Variants in NSD1 observed in about 807,000 individuals in gnomAD.
The protein encoded by NSD1 is nuclear receptor binding SET domain protein 1, also known as histone-lysine N-methyltransferase, H3 lysine-36 specific.
A neutral mutation model predicts 242.7 loss-of-function variants in NSD1; 26 were observed. The ratio of observed to expected loss-of-function variants is 0.11; its 90% CI spans 0.08 to 0.15. The LOEUF is 0.15. Among genes scored for constraint, NSD1 ranks in the 10% least tolerant of loss-of-function variants. NSD1 has a pLI of 1.00. For missense variants in NSD1, 2,495 were observed against 3,272.8 expected (o/e 0.76, Z 5.80); for synonymous variants, 1,106 against 1,178.1 (o/e 0.94, Z 1.25).
chr5:177,228,871 T>G (rs1235787268), intron 5 of NSD1, among the ~76,000 whole-genome samples: 2 of 152,222 alleles, frequency 1.3e-5, no homozygotes, highest in Non-Finnish European at 2.9e-5. Context: ...CAACCATCTC[T>G]GTAAATCCAT....
chr5:177,280,073 G>A (rs1042672460), intron 17 of NSD1, among the ~76,000 whole-genome samples: 5 of 140,458 alleles, frequency 3.6e-5, no homozygotes, highest in East Asian at 4.3e-4. Context: ...GCAGTGGCAC[G>A]ACCTAGGCTC....
intron 2 of NSD1, among the ~76,000 whole-genome samples, chr5:177,150,544 G>A (rs1393660989): frequency 6.6e-6 from 1 of 151,980 alleles, no homozygotes; most frequent in East Asian, 1.9e-4. Context: ...AGTGTTTTTT[G>A]CTGTTATTAT....
chr5:177,276,093 C>T (rs1477044344), intron 17 of NSD1, among the ~76,000 whole-genome samples: 1 of 151,976 alleles, frequency 6.6e-6, no homozygotes, highest in Non-Finnish European at 1.5e-5. Context: ...CAACGCCTGG[C>T]TAATTTTGGT....
At chr5:177,268,082 G>GT (rs1562279085) in intron 15 of NSD1, among the ~76,000 whole-genome samples, 2 of 150,910 alleles carry the variant, frequency 1.3e-5, no homozygotes, top group African/African-American at 4.9e-5. Context: ...CAAAATAACT[G>GT]TTTTTACAGA....
intron 5 of NSD1, among the ~76,000 whole-genome samples, chr5:177,220,655 C>T (rs1342594637): frequency 1.3e-5 from 2 of 149,600 alleles, no homozygotes; most frequent in South Asian, 2.1e-4. Flanking sequence ...CTGCAAACTC[C>T]GCCTCCCGGG....
rs1267757448 is a variant in NSD1 at position 177,158,936 on chromosome 5, G to GTA, written c.927+22907_927+22908insAT. 3.8e-5 allele frequency among the ~76,000 whole-genome samples: 5 copies of GTA among 131,486 alleles called. No individual in the cohort carries two copies. The South Asian group carries it at 1.2e-3, about 31-fold the overall frequency. 86.3% of individuals were successfully genotyped at this position (131,486 alleles called of 152,430 possible). ...TTATATATAGTTTGTGTGTGTGTGT[G>GTA]TGTATATATACACACATATATATAT... is the stretch of plus-strand genomic sequence containing the variant. On this transcript the variant is annotated intron_variant, in intron 2 of 22. Transcript: ENST00000439151.
At chr5:177,213,163 C>T (rs1322391756) in intron 5 of NSD1, among the ~76,000 whole-genome samples, 1 of 152,204 alleles carries the variant, frequency 6.6e-6, no homozygotes, top group Non-Finnish European at 1.5e-5. Flanking sequence ...AAGATACTAA[C>T]ATTACACAGT....
intron 11 of NSD1, 25 bp from the exon 12 acceptor site, chr5:177,251,705 A>G (rs1755984632): frequency 6.2e-7 from 1 of 1,613,164 alleles, no homozygotes; most frequent in East Asian, 2.2e-5. Flanking sequence ...GGAAAAACAG[A>G]TAGATGTTTT....
Position 177,288,879 on chromosome 5 carries a change from A to T in NSD1, c.6212A>T (p.Lys2071Ile). 6.2e-7 allele frequency: 1 copy of T among 1,614,218 alleles called. No homozygotes were observed. Among genetic ancestry groups the T allele is most frequent in the Non-Finnish European group, 8.5e-7 (1 of 1,180,032 alleles). The change falls in exon 21 of 23, where the codon AAA (lysine) becomes ATA (isoleucine). Residue 2071 changes from lysine (K) to isoleucine (I), a missense_variant. Transcript: ENST00000439151. ...ECLGNGKTVC[K>I]CGAPNCSGFL... ...CTTGGGAATGGAAAGACTGTTTGCAAATGTGGAGCCCCGAACTGCAGTGGC... is the reference window on the plus strand; with the variant it reads ...CTTGGGAATGGAAAGACTGTTTGCATATGTGGAGCCCCGAACTGCAGTGGC...
upstream of NSD1, chr5:177,133,237 G>C (rs1347222523): frequency 1.3e-5 from 2 of 152,784 alleles, no homozygotes; most frequent in African/African-American, 2.4e-5. The surrounding 1 kb of genome is among the most constrained non-coding windows in gnomAD (Gnocchi z 6.2). Context: ...TGGATGGGGA[G>C]CCTGGGCTGT....
chr5:177,266,572 A>T, intron 14 of NSD1: 1 of 682,164 alleles, frequency 1.5e-6, no homozygotes, highest in Non-Finnish European at 2.2e-6. Flanking sequence ...GCAGTTCACG[A>T]CCTCGGCGGC....
chr5:177,186,121 T>G (rs1185849958), intron 2 of NSD1, among the ~76,000 whole-genome samples: 1 of 123,744 alleles, frequency 8.1e-6, no homozygotes, highest in African/African-American at 3.0e-5. Flanking sequence ...TGTATATTTA[T>G]ATATAATATA....
rs567657600 is a variant in NSD1, at chr5:177,264,736, G to A, written c.5147-2826G>A. The stretch of plus-strand genomic sequence containing the variant: ...TTATTAAGTAAAGGCCCTTTTGGCC[G>A]AAACTGCCATCTTCCTGTAATTCGC... On this transcript the variant is annotated intron_variant, in intron 14 of 22. Transcript: ENST00000439151. The A allele has an allele frequency of 8.0e-5, 56 of 704,324 alleles. 1 individual carries two copies. Among genetic ancestry groups the A allele is most frequent in the African/African-American group, 7.4e-4 (42 of 57,130 alleles). The allele number at this position is 704,324 out of a possible 1,614,324, so 43.6% of individuals were successfully genotyped here. A position where few individuals can be genotyped will look rare whatever the true frequency, so the allele number is the denominator to read the frequency against.
Position 177,299,839 on chromosome 5 carries a change from T to C in NSD1, c.*4380T>C. The C allele has an allele frequency of 4.3e-6, 1 of 233,266 alleles. No individual in the cohort carries two copies. Among genetic ancestry groups the C allele is most frequent in the Non-Finnish European group, 8.5e-6 (1 of 118,108 alleles). The allele number at this position is 233,266 out of a possible 1,614,324, so 14.4% of individuals were successfully genotyped here. On this transcript the variant is annotated 3_prime_UTR_variant, in exon 23 of 23. Coordinates refer to ENST00000439151, the MANE Select transcript of NSD1 (RefSeq NM_022455.5). ...GGTTCTATGTTTTCAACTTCCAGGG[T>C]TGGGGCAGGCCAGAGCAAGGCGGTC...
chr5:177,207,414 CTGGGA>C (rs1762965197), intron 4 of NSD1, among the ~76,000 whole-genome samples: 1 of 151,618 alleles, frequency 6.6e-6, no homozygotes, highest in Admixed American at 6.6e-5. Flanking sequence ...TCCCGAGTAG[CTGGGA>C]CTACAGGTGT....
rs781323425 is a variant in NSD1 at position 177,136,103 on chromosome 5, A to G, written c.927+73A>G. 14 of 1,380,176 alleles carry G rather than the reference A, an allele frequency of 1.0e-5. No individual in the cohort carries two copies. In the Admixed American group the frequency reaches 1.3e-4, roughly 13 times the overall value. The allele number at this position is 1,380,176 out of a possible 1,614,324, so 85.5% of individuals were successfully genotyped here. A position where few individuals can be genotyped will look rare whatever the true frequency, so the allele number is the denominator to read the frequency against. ...ACAGGCCACTTAAAGGGAAACTTGTAACAAATTTGTTTTTGGTTGCTTATC... is the reference window on the plus strand; with the variant it reads ...ACAGGCCACTTAAAGGGAAACTTGTGACAAATTTGTTTTTGGTTGCTTATC... On this transcript the variant is annotated intron_variant, in intron 2 of 22. Transcript: ENST00000439151.
At chr5:177,272,392 G>T (rs1758014178) in intron 16 of NSD1, among the ~76,000 whole-genome samples, 1 of 151,894 alleles carries the variant, frequency 6.6e-6, no homozygotes. Context: ...ATGGCTACAA[G>T]GAAATGAAGA....
Position 177,300,106 on chromosome 5 carries a change from AG to A in NSD1, c.*4648del, listed in dbSNP as rs1760523958. The stretch of plus-strand genomic sequence containing the variant: ...ATTGTCAGCTGTAAGTGAAACTCCT[AG>A]TGAAAAAGAGGGGAGCCCTGTGTTA... On this transcript the variant is annotated 3_prime_UTR_variant, in exon 23 of 23. Coordinates refer to ENST00000439151, the MANE Select transcript of NSD1 (RefSeq NM_022455.5). 1 of 198,806 alleles carries A rather than the reference AG, an allele frequency of 5.0e-6. No individual in the cohort carries two copies. The highest frequency in any genetic ancestry group is 9.5e-6 in the Non-Finnish European group (1 of 105,150). 12.3% of individuals were successfully genotyped at this position (198,806 alleles called of 1,614,324 possible).
chr5:177,185,829 AG>A lies in NSD1; in HGVS notation c.928-6054del, dbSNP rs565281335. ...TATAAATTTATATATATAATATATAAGTTTTATATATTTAAATATATATTAT... is the reference window on the plus strand; with the variant it reads ...TATAAATTTATATATATAATATATAATTTTATATATTTAAATATATATTAT... On this transcript the variant is annotated intron_variant, in intron 2 of 22. Coordinates refer to ENST00000439151, the MANE Select transcript of NSD1 (RefSeq NM_022455.5). 4.7e-3 allele frequency among the ~76,000 whole-genome samples: 428 copies of A among 90,118 alleles called. 3 individuals are homozygous for A. Among genetic ancestry groups the A allele is most frequent in the African/African-American group, 0.015 (303 of 19,642 alleles). The allele number at this position is 90,118 out of a possible 152,430, so 59.1% of individuals were successfully genotyped here.
Sources: gnomAD v4.1 joint callset for allele counts (sites outside exome capture counted in the v4.1 genomes callset) on GRCh38, gnomAD v4.1.1 for gene constraint, Gnocchi (gnomAD v3.1) non-coding constraint, MANE v1.5 for transcripts, NCBI Gene and HGNC (gene_info 2026-07-23, HGNC 2026-07-21) for gene names.